Variants in PALLD observed in about 807,000 individuals in gnomAD.
The protein encoded by PALLD is palladin, cytoskeletal associated protein.
PALLD carries 61 observed loss-of-function variants against 123.5 expected under a neutral mutation model. The ratio of observed to expected loss-of-function variants is 0.49; its 90% CI spans 0.40 to 0.61. The LOEUF is 0.61. Ranked by LOEUF, PALLD falls within the 20% of genes least tolerant of loss-of-function variation. PALLD has a pLI of 0.00. For synonymous variants in PALLD, 465 were observed against 496.4 expected (o/e 0.94, Z 0.84); for missense variants, 1,273 against 1,377.0 (o/e 0.92, Z 1.20).
At chr4:168,752,443 A>T (rs1383596516) in intron 10 of PALLD, among the ~76,000 whole-genome samples, 2 of 152,254 alleles carry the variant, frequency 1.3e-5, no homozygotes, top group African/African-American at 2.4e-5. Context: ...TCATCTAATC[A>T]GTTCCCATAA....
intron 10 of PALLD, among the ~76,000 whole-genome samples, chr4:168,857,631 G>A (rs1298008643): frequency 6.6e-6 from 1 of 152,168 alleles, no homozygotes; most frequent in African/African-American, 2.4e-5. Flanking sequence ...TATGCTGACG[G>A]CTGAGAGCAA....
chr4:168,692,202 A>G (rs1007097458), intron 8 of PALLD, among the ~76,000 whole-genome samples: 1 of 152,184 alleles, frequency 6.6e-6, no homozygotes, highest in South Asian at 2.1e-4. Flanking sequence ...GGGCCACTGC[A>G]GGTCAGATTA....
chr4:168,725,103 C>T (rs1339681586), intron 10 of PALLD, among the ~76,000 whole-genome samples: 1 of 152,182 alleles, frequency 6.6e-6, no homozygotes, highest in Non-Finnish European at 1.5e-5. Context: ...CAGCTGTGAG[C>T]CTCTGGATGT....
chr4:168,578,466 C>A (rs912128100), intron 2 of PALLD, among the ~76,000 whole-genome samples: 1 of 152,058 alleles, frequency 6.6e-6, no homozygotes, highest in Admixed American at 6.6e-5. Flanking sequence ...CTGCTCCTTG[C>A]TGCTGCCATG....
chr4:168,734,025 C>T (rs1394027564), intron 10 of PALLD, among the ~76,000 whole-genome samples: 2 of 152,174 alleles, frequency 1.3e-5, no homozygotes, highest in Admixed American at 6.5e-5. Context: ...GTTGAGCCAC[C>T]ACGCCCGGCC....
chr4:168,625,517 A>ATATATATATATATATATC (rs1775175388), intron 2 of PALLD, among the ~76,000 whole-genome samples: 25 of 144,198 alleles, frequency 1.7e-4, no homozygotes, highest in East Asian at 2.0e-4. Context: ...ATATATATAT[A>ATATATATATATATATATC]TCCTATAAGG....
intron 19 of PALLD, 151 bp from the exon 20 acceptor site, chr4:168,924,794 A>T (rs1762259624): frequency 1.3e-6 from 1 of 754,780 alleles, no homozygotes; most frequent in African/African-American, 1.7e-5. Context: ...ATTAACTTTA[A>T]TGGAGCTAGT....
intron 10 of PALLD, among the ~76,000 whole-genome samples, chr4:168,807,801 G>A (rs1740450835): frequency 6.6e-6 from 1 of 152,044 alleles, no homozygotes; most frequent in Non-Finnish European, 1.5e-5. Context: ...TGCCTGGCAG[G>A]TTCAAGTGAT....
chr4:168,696,109 G>C (rs1783106376), intron 8 of PALLD, among the ~76,000 whole-genome samples: 1 of 152,134 alleles, frequency 6.6e-6, no homozygotes, highest in Admixed American at 6.5e-5. Flanking sequence ...AAGCTGTCCT[G>C]GGCCACATGT....
chr4:168,690,869 A>C, intron 7 of PALLD, 125 bp downstream of exon 7: 3 of 998,534 alleles, frequency 3.0e-6, no homozygotes, highest in Non-Finnish European at 4.8e-6. Context: ...AGGATCAGAT[A>C]ATCTACAGTG....
At chr4:168,559,536 G>C (rs757506672) in intron 2 of PALLD, among the ~76,000 whole-genome samples, 1 of 152,090 alleles carries the variant, frequency 6.6e-6, no homozygotes, top group Non-Finnish European at 1.5e-5. Context: ...CACATTTCAA[G>C]TAAAAGAACA....
chr4:168,665,978 C>CA (rs11295343), intron 2 of PALLD, among the ~76,000 whole-genome samples: 74 of 147,238 alleles, frequency 5.0e-4, no homozygotes, highest in East Asian at 2.8e-3. Flanking sequence ...CGCCCCCCAC[C>CA]AAAAAAAAAA....
chr4:168,832,398 A>G (rs1744389322), intron 10 of PALLD, among the ~76,000 whole-genome samples: 3 of 151,360 alleles, frequency 2.0e-5, no homozygotes, highest in Admixed American at 6.6e-5. Flanking sequence ...AGCTCCAGAT[A>G]GGAATGTCTG....
intron 2 of PALLD, among the ~76,000 whole-genome samples, chr4:168,631,299 G>C (rs1191828060): frequency 6.6e-6 from 1 of 152,180 alleles, no homozygotes. Context: ...TTCACTACTA[G>C]CTGCTTCTTG....
chr4:168,585,085 T>C (rs1770677332), intron 2 of PALLD, among the ~76,000 whole-genome samples: 1 of 152,238 alleles, frequency 6.6e-6, no homozygotes, highest in Non-Finnish European at 1.5e-5. Flanking sequence ...TTGGAAACTA[T>C]TTCTATTTGG....
chr4:168,792,260 AGGCT>A (rs2010305037), intron 10 of PALLD, among the ~76,000 whole-genome samples: 1 of 152,106 alleles, frequency 6.6e-6, no homozygotes, highest in African/African-American at 2.4e-5. Flanking sequence ...CACGGAGCAG[AGGCT>A]GACTCCCAAA....
In PALLD at chr4:168,558,168, A is replaced by G. The variant is rs1580307801; in HGVS notation, c.908+45756A>G. Among the ~76,000 whole-genome samples, 5 of 152,246 alleles carry G rather than the reference A, an allele frequency of 3.3e-5. 1 individual carries two copies. The highest frequency in any genetic ancestry group is 7.4e-5 in the Non-Finnish European group (5 of 68,004). On this transcript the variant is annotated intron_variant, in intron 2 of 21. Coordinates refer to ENST00000505667, the MANE Select transcript of PALLD (RefSeq NM_001166108.2). ...TCACCCCTACGGGCTACTGTGTTGT[A>G]CCAACAGCAGCTCCATCCTTCATGT...
chr4:168,783,450 C>T (rs17614745), intron 10 of PALLD, among the ~76,000 whole-genome samples: 24,157 of 151,840 alleles, frequency 0.16, 2,242 homozygotes, highest in Middle Eastern at 0.24. Context: ...TTTCTAAAGA[C>T]GGGAGAGACA....
intron 10 of PALLD, among the ~76,000 whole-genome samples, chr4:168,759,228 TATATATATATATATATAG>T (rs1732466579): frequency 7.1e-5 from 3 of 42,444 alleles, no homozygotes; most frequent in African/African-American, 2.2e-4. Flanking sequence ...TATATATATA[TATATATATATATATATAG>T]AAACAATATA....
Sources: gnomAD v4.1 joint callset for allele counts (sites outside exome capture counted in the v4.1 genomes callset) on GRCh38, gnomAD v4.1.1 for gene constraint, MANE v1.5 for transcripts, NCBI Gene and HGNC (gene_info 2026-07-23, HGNC 2026-07-21) for gene names.